The following KLC1 variants were observed in gnomAD, a reference collection of about 807,000 sequenced individuals.
The protein encoded by KLC1 is kinesin 2 60/70kDa.
In KLC1, 30 loss-of-function variants were observed where a neutral mutation model predicts 84.2. The ratio of observed to expected loss-of-function variants is 0.36; its 90% CI spans 0.27 to 0.48. KLC1 has a LOEUF of 0.48. Ranked by LOEUF, KLC1 falls within the 20% of genes least tolerant of loss-of-function variation. The probability of loss-of-function intolerance (pLI) is 0.99; values close to 1 mark genes in which losing one functional copy is unlikely to be tolerated. For synonymous variants in KLC1, 289 were observed against 293.3 expected, an observed-to-expected ratio of 0.99 and a Z score of 0.15; for missense variants, 499 against 805.4, an observed-to-expected ratio of 0.62 and a Z score of 4.60.
intron 12 of KLC1, among the ~76,000 whole-genome samples, chr14:103,678,655 A>G (rs1364412334): frequency 6.6e-6 from 1 of 151,744 alleles, no homozygotes; most frequent in Non-Finnish European, 1.5e-5. Context: ...GTACCACTGC[A>G]CTCCAGTCTG....
intron 1 of KLC1, among the ~76,000 whole-genome samples, chr14:103,643,267 A>G (rs1399864127): frequency 6.6e-6 from 1 of 152,146 alleles, no homozygotes; most frequent in Non-Finnish European, 1.5e-5. Flanking sequence ...AACTTTCCCC[A>G]TCTCCTTGGA....
intron 15 of KLC1, chr14:103,699,533 A>G: frequency 6.2e-7 from 1 of 1,613,388 alleles, no homozygotes; most frequent in Non-Finnish European, 8.5e-7. Context: ...GCCCCGAGAC[A>G]GCAGTACGGG....
At chr14:103,685,048 C>T (rs369284885) in intron 13 of KLC1, 262 of 1,543,048 alleles carry the variant, frequency 1.7e-4, no homozygotes, top group Middle Eastern at 1.7e-4. Context: ...TGAGTCCGAG[C>T]GGGCGGGGCG....
chr14:103,666,013 T>C, intron 5 of KLC1, among the ~76,000 whole-genome samples: 1 of 152,262 alleles, frequency 6.6e-6, no homozygotes, highest in East Asian at 1.9e-4. Flanking sequence ...GTTAGGATTT[T>C]AATGCTTTAG....
chr14:103,679,378 T>C lies in KLC1; in HGVS notation c.1489-6T>C. On this transcript the variant is annotated splice_region_variant and splice_polypyrimidine_tract_variant and intron_variant, in intron 12 of 16. Transcript: ENST00000334553. ...GTCAAACCATTTTCCCCTGCCTGGCTCACAGGGTCTTGACAATGTTCACAA... is the reference window on the plus strand; with the variant it reads ...GTCAAACCATTTTCCCCTGCCTGGCCCACAGGGTCTTGACAATGTTCACAA... The C allele has an allele frequency of 6.2e-7, 1 of 1,613,350 alleles. No homozygotes were observed. The highest frequency in any genetic ancestry group is 8.5e-7 in the Non-Finnish European group (1 of 1,179,866).
intron 1 of KLC1, among the ~76,000 whole-genome samples, chr14:103,648,228 C>T (rs141757694): frequency 0.053 from 7,992 of 152,174 alleles, 236 homozygotes; most frequent in South Asian, 0.092. Context: ...GGATTACAGG[C>T]GTGAGCCACC....
chr14:103,663,553 A>G (rs1228196650), intron 5 of KLC1, among the ~76,000 whole-genome samples: 3 of 152,198 alleles, frequency 2.0e-5, no homozygotes, highest in African/African-American at 7.2e-5. Flanking sequence ...TTGTCTAAAT[A>G]GCCTTCCCAC....
At chr14:103,643,599 G>A (rs2024854076) in intron 1 of KLC1, among the ~76,000 whole-genome samples, 1 of 152,146 alleles carries the variant, frequency 6.6e-6, no homozygotes, top group Non-Finnish European at 1.5e-5. Flanking sequence ...ATACATTTTA[G>A]AGAGGCATGA....
chr14:103,630,525 C>G (rs1488888085), intron 1 of KLC1, among the ~76,000 whole-genome samples: 1 of 152,078 alleles, frequency 6.6e-6, no homozygotes, highest in East Asian at 1.9e-4. Context: ...TTAGTTAAAT[C>G]CCAAGGCCTT....
intron 1 of KLC1, among the ~76,000 whole-genome samples, chr14:103,638,851 C>T (rs1250978155): frequency 6.6e-6 from 1 of 151,418 alleles, no homozygotes; most frequent in Non-Finnish European, 1.5e-5. Flanking sequence ...TGTGTGTGAG[C>T]ACAGTGGTGC....
chr14:103,697,189 A>G, intron 15 of KLC1: 1 of 914,496 alleles, frequency 1.1e-6, no homozygotes, highest in Non-Finnish European at 1.3e-6. Flanking sequence ...TGTTTTGTAA[A>G]AATCCAACCC....
At chr14:103,695,542 T>G (rs1028090476) in intron 15 of KLC1, 12 of 985,172 alleles carry the variant, frequency 1.2e-5, no homozygotes, top group Non-Finnish European at 1.4e-5. Flanking sequence ...GGGTGCCTTC[T>G]CCCTGTGAGG....
At chr14:103,641,004 A>C (rs750562875) in intron 1 of KLC1, among the ~76,000 whole-genome samples, 1 of 151,768 alleles carries the variant, frequency 6.6e-6, no homozygotes, top group Non-Finnish European at 1.5e-5. Flanking sequence ...GGCTCACTGC[A>C]ACCTCTGCCT....
chr14:103,669,534 C>T lies in KLC1; in HGVS notation c.821C>T (p.Ala274Val). ...AGGGATCAGAATAAATACAAAGATG[C>T]AGCTAACCTACTGAATGATGCCTTG... ...VYRDQNKYKD[A>V]ANLLNDALAI... Residue 274 changes from alanine to valine, a missense_variant, in exon 6 of 17, where the codon GCA becomes GTA. Transcript: ENST00000334553. 2 of 1,610,522 alleles carry T rather than the reference C, an allele frequency of 1.2e-6. No homozygotes were observed. The highest frequency in any genetic ancestry group is 1.7e-6 in the Non-Finnish European group (2 of 1,176,884).
chr14:103,657,968 C>T (rs1825417384), intron 3 of KLC1, among the ~76,000 whole-genome samples, 192 bp downstream of exon 3: 2 of 152,212 alleles, frequency 1.3e-5, no homozygotes, highest in Admixed American at 6.5e-5. Flanking sequence ...GCCCCGAGGT[C>T]TGTCCCGAGG....
chr14:103,666,285 G>A lies in KLC1; in HGVS notation c.798-3226G>A, dbSNP rs370611797. On this transcript the variant is annotated intron_variant, in intron 5 of 16. Transcript: ENST00000334553. ...TCACCATGTTAGCCAGGATGGTCTTGATCTCCTGACCTTGTGATCCACCCG... is the reference window on the plus strand; with the variant it reads ...TCACCATGTTAGCCAGGATGGTCTTAATCTCCTGACCTTGTGATCCACCCG... Among the ~76,000 whole-genome samples, 42 of 152,026 alleles carry A rather than the reference G, an allele frequency of 2.8e-4. No individual in the cohort carries two copies. The East Asian group carries it at 7.4e-3, about 27-fold the overall frequency.
chr14:103,666,263 C>T (rs1281206726), intron 5 of KLC1, among the ~76,000 whole-genome samples: 1 of 152,052 alleles, frequency 6.6e-6, no homozygotes, highest in Admixed American at 6.6e-5. Flanking sequence ...CGGAGTTTCA[C>T]CATGTTAGCC....
chr14:103,640,436 CT>C (rs1375392545), intron 1 of KLC1, among the ~76,000 whole-genome samples: 1 of 151,884 alleles, frequency 6.6e-6, no homozygotes, highest in African/African-American at 2.4e-5. Context: ...TCTCTGCTCA[CT>C]GCAAGCGTCA....
chr14:103,682,012 T>C (rs1341062734), intron 13 of KLC1, among the ~76,000 whole-genome samples: 1 of 152,204 alleles, frequency 6.6e-6, no homozygotes, highest in Non-Finnish European at 1.5e-5. Flanking sequence ...CTTGTGTGCA[T>C]CAAGATTTTT....
Sources: allele counts gnomAD v4.1 joint callset (sites outside exome capture counted in the v4.1 genomes callset), GRCh38; gene constraint gnomAD v4.1.1; transcripts MANE v1.5; gene names NCBI Gene and HGNC (gene_info 2026-07-23, HGNC 2026-07-21).